The following DCLRE1A variants were observed in gnomAD, a reference collection of about 807,000 sequenced individuals.
The protein encoded by DCLRE1A is DNA cross-link repair 1A.
Under a neutral mutation model 91.9 loss-of-function variants are expected in DCLRE1A, and 64 were observed. The observed-to-expected ratio is 0.70, with a 90% confidence interval of 0.57 to 0.86. The LOEUF is 0.86. Among genes scored for constraint, DCLRE1A ranks in the 40% least tolerant of loss-of-function variants. DCLRE1A has a pLI of 0.00. For missense variants in DCLRE1A, 1,145 were observed against 1,213.3 expected, an observed-to-expected ratio of 0.94 and a Z score of 0.84; for synonymous variants, 416 against 431.1, an observed-to-expected ratio of 0.96 and a Z score of 0.43.
Position 113,853,230 on chromosome 10 carries a change from A to C in DCLRE1A, c.-48T>G. Reference sequence around the variant, plus strand: ...AGAAGTATTAATCTTAAGTAAACTGAAAGTCCATTTCTTGTCACAAACAAA... The same window carrying C: ...AGAAGTATTAATCTTAAGTAAACTGCAAGTCCATTTCTTGTCACAAACAAA... On this transcript the variant is annotated 5_prime_UTR_variant, in exon 1 of 9. Coordinates refer to ENST00000361384, the MANE Select transcript of DCLRE1A (RefSeq NM_014881.5). 1 of 1,439,678 alleles carries C rather than the reference A, an allele frequency of 6.9e-7. No individual in the cohort carries two copies. Among genetic ancestry groups the C allele is most frequent in the Non-Finnish European group, 9.2e-7 (1 of 1,089,308 alleles). The allele number at this position is 1,439,678 out of a possible 1,614,324, so 89.2% of individuals were successfully genotyped here. A position where few individuals can be genotyped will look rare whatever the true frequency, so the allele number is the denominator to read the frequency against.
At chr10:113,838,906 G>GT (rs746720144) in intron 7 of DCLRE1A, among the ~76,000 whole-genome samples, 5 of 152,008 alleles carry the variant, frequency 3.3e-5, no homozygotes, top group Non-Finnish European at 5.9e-5. Flanking sequence ...CTTGAAAACT[G>GT]TATTAGGATT....
rs758226034 is a variant in DCLRE1A at position 113,841,582 on chromosome 10, A to G, written c.2666-22T>C. The G allele has an allele frequency of 3.8e-6, 6 of 1,582,036 alleles. No homozygotes were observed. In the African/African-American group the frequency reaches 8.2e-5, roughly 22 times the overall value. On this transcript the variant is annotated intron_variant, in intron 6 of 8. Coordinates refer to ENST00000361384, the MANE Select transcript of DCLRE1A (RefSeq NM_014881.5). ...ATGGCTATGGGCAAAAGAAAAGATT[A>G]AAAATAGTAAACTTACAGCTTGTGA...
At position 113,837,279 on chromosome 10, in the gene DCLRE1A, ATAC is replaced by A. The variant is rs1420933556; in HGVS notation, c.2821-79_2821-77del. 5.8e-6 allele frequency: 8 copies of A among 1,385,002 alleles called. No individual in the cohort carries two copies. The Admixed American group carries it at 1.5e-4, about 25-fold the overall frequency. The allele number at this position is 1,385,002 out of a possible 1,614,324, so 85.8% of individuals were successfully genotyped here. On this transcript the variant is annotated intron_variant, in intron 7 of 8. Coordinates refer to ENST00000361384, the MANE Select transcript of DCLRE1A (RefSeq NM_014881.5). ...ATAAAACAGACTGATTAAAGATGTT[ATAC>A]TGGCACAGGCATGGGGAGTTTTCAT... is the stretch of plus-strand genomic sequence containing the variant.
In DCLRE1A at chr10:113,834,958, T is replaced by C. The variant is rs543103263; in HGVS notation, c.*194A>G. The C allele has an allele frequency of 9.8e-5, 53 of 542,434 alleles. No homozygotes were observed. The highest frequency in any genetic ancestry group is 9.6e-4 in the African/African-American group (49 of 51,296). The allele number at this position is 542,434 out of a possible 1,614,324, so 33.6% of individuals were successfully genotyped here. On this transcript the variant is annotated 3_prime_UTR_variant, in exon 9 of 9. Coordinates refer to ENST00000361384, the MANE Select transcript of DCLRE1A (RefSeq NM_014881.5). ...TTAAGGGTCCCAGGGAGACCCAGTT[T>C]CAGTTATCCTTGATGATGCTGAGAG... is the stretch of plus-strand genomic sequence containing the variant.
At chr10:113,835,365 T>C (rs1299351551) in intron 8 of DCLRE1A, 53 bp from the exon 9 acceptor site, 30 of 1,490,648 alleles carry the variant, frequency 2.0e-5, no homozygotes, top group Non-Finnish European at 2.4e-5. Context: ...AATTTAAACT[T>C]TCACAATCCT....
rs1564845509 is a variant in DCLRE1A, at chr10:113,849,966, CTAT to C, written c.1136_1138del (p.Asn379del). On this transcript the variant is annotated inframe_deletion, in exon 2 of 9. Coordinates refer to ENST00000361384, the MANE Select transcript of DCLRE1A (RefSeq NM_014881.5). ...AATAGGTTGAGACAAATCATTTAGA[CTAT>C]TGAATCTATACAATCCTTCATCATA... The C allele has an allele frequency of 1.2e-6, 2 of 1,614,124 alleles. No homozygotes were observed. Among genetic ancestry groups the C allele is most frequent in the Non-Finnish European group, 1.7e-6 (2 of 1,180,014 alleles).
chr10:113,850,233 T>C lies in DCLRE1A; in HGVS notation c.872A>G (p.Asn291Ser), dbSNP rs757952985. Residue 291 changes from asparagine to serine, a missense_variant, in exon 2 of 9, where the codon AAT (asparagine) becomes AGT (serine). By Grantham distance (46) the Asn-to-Ser change is conservative. Transcript: ENST00000361384. ...GGAGATTTCACAGTCACTGAAGTCATTTTCTGGCAATGGCAAATTTATGTG... is the reference window on the plus strand; with the variant it reads ...GGAGATTTCACAGTCACTGAAGTCACTTTCTGGCAATGGCAAATTTATGTG... ...SEHINLPLPENDFSDCEISYS... is the reference protein window; with the variant it reads ...SEHINLPLPESDFSDCEISYS... 1 of 1,614,160 alleles carries C rather than the reference T, an allele frequency of 6.2e-7. No homozygotes were observed. Among genetic ancestry groups the C allele is most frequent in the Non-Finnish European group, 8.5e-7 (1 of 1,180,004 alleles).
At chr10:113,841,221 T>C (rs936688622) in intron 7 of DCLRE1A, among the ~76,000 whole-genome samples, 185 bp downstream of exon 7, 4 of 152,222 alleles carry the variant, frequency 2.6e-5, no homozygotes, top group African/African-American at 9.6e-5. Flanking sequence ...GCATATGAAT[T>C]ACTCTACAGA....
chr10:113,849,477 T>C lies in DCLRE1A; in HGVS notation c.1628A>G (p.Lys543Arg), dbSNP rs376208580. The change falls in exon 2 of 9, where the codon AAG (lysine) becomes AGG (arginine). Residue 543 changes from lysine to arginine, a missense_variant. Coordinates refer to ENST00000361384, the MANE Select transcript of DCLRE1A (RefSeq NM_014881.5). ...KYLKILPSGL[K>R]YNARHPSTKV... ...GGTAGAAGGATGTCTTGCATTATAC[T>C]TAAGACCAGAAGGCAATATTTTCAA... 6.2e-7 allele frequency: 1 copy of C among 1,614,126 alleles called. No individual in the cohort carries two copies.
In DCLRE1A at chr10:113,852,820, G is replaced by A. The variant is rs1845678185; in HGVS notation, c.363C>T (p.Tyr121=). The change falls in exon 1 of 9, where the codon TAC becomes TAT. Residue 121 remains tyrosine (Y), a synonymous_variant. Transcript: ENST00000361384. ...SPKIRPVYDG[Y]CPNCQMPFSS... Reference sequence around the variant, plus strand: ...AAAAAGGCATCTGGCAATTTGGACAGTATCCATCATAAACTGGACGTATCT... The same window carrying A: ...AAAAAGGCATCTGGCAATTTGGACAATATCCATCATAAACTGGACGTATCT... 1.2e-6 allele frequency: 2 copies of A among 1,614,090 alleles called. No homozygotes were observed. Among genetic ancestry groups the A allele is most frequent in the South Asian group, 1.1e-5 (1 of 91,086 alleles).
rs769255055 is a variant in DCLRE1A, at chr10:113,841,501, G to A, written c.2725C>T (p.Gln909Ter). 13 of 1,613,274 alleles carry A rather than the reference G, an allele frequency of 8.1e-6. No homozygotes were observed. The Admixed American group carries it at 2.0e-4, about 25-fold the overall frequency. The change falls in exon 7 of 9, where the codon CAG becomes TAG. Residue 909 changes from glutamine to a stop codon, truncating the protein, a stop_gained. Coordinates refer to ENST00000361384, the MANE Select transcript of DCLRE1A (RefSeq NM_014881.5). LOFTEE classifies it high-confidence loss of function. ...TTAATTTCTGGTATATTGAGGCACTGTAGAGTTTTATATTTTTCCTGGGAC... is the reference window on the plus strand; with the variant it reads ...TTAATTTCTGGTATATTGAGGCACTATAGAGTTTTATATTTTTCCTGGGAC... Reference protein sequence around the residue: ...GMSQEKYKTLQCLNIPEINSL... With the variant: ...GMSQEKYKTL
intron 2 of DCLRE1A, among the ~76,000 whole-genome samples, chr10:113,848,084 C>G (rs980373555): frequency 2.6e-5 from 4 of 152,026 alleles, no homozygotes; most frequent in African/African-American, 9.7e-5. Context: ...GAGGCCGAGG[C>G]GGGCGGATCA....
chr10:113,843,993 T>A (rs894444309), intron 5 of DCLRE1A, 111 bp downstream of exon 5: 4 of 1,442,480 alleles, frequency 2.8e-6, no homozygotes, highest in Non-Finnish European at 2.8e-6. Context: ...ATCCCTCTGA[T>A]AAAGAGCCTT....
intron 8 of DCLRE1A, among the ~76,000 whole-genome samples, chr10:113,836,265 G>A (rs996527743): frequency 5.3e-5 from 8 of 152,040 alleles, no homozygotes; most frequent in Non-Finnish European, 1.0e-4. Context: ...ACCTTATTGC[G>A]TGTATACTTA....
Position 113,849,746 on chromosome 10 carries a change from G to A in DCLRE1A, c.1359C>T (p.Tyr453=), listed in dbSNP as rs530676849. 6 of 1,614,162 alleles carry A rather than the reference G, an allele frequency of 3.7e-6. No individual in the cohort carries two copies. In the East Asian group the frequency reaches 1.3e-4, roughly 36 times the overall value. Reference sequence around the variant, plus strand: ...TAACTAACGGAAGAGAAACTTGATTGTAAACAGATGATTCTTCAATTACCT... The same window carrying A: ...TAACTAACGGAAGAGAAACTTGATTATAAACAGATGATTCTTCAATTACCT... ...QKQVIEESSV[Y]NQVSLPLVKS... is the part of the protein sequence containing the mutation. Residue 453 remains tyrosine (Y), a synonymous_variant, in exon 2 of 9, where the codon TAC becomes TAT. Coordinates refer to ENST00000361384, the MANE Select transcript of DCLRE1A (RefSeq NM_014881.5).
Position 113,837,163 on chromosome 10 carries a change from T to C in DCLRE1A, c.2861A>G (p.Asn954Ser), listed in dbSNP as rs1160826442. The change falls in exon 8 of 9, where the codon AAT (asparagine) becomes AGT (serine). Residue 954 changes from asparagine to serine, a missense_variant. Asn to Ser is a conservative substitution (Grantham distance 46). Transcript: ENST00000361384. ...SHLKKCGGKY[N>S]QILAFRPTGW... ...TGTAGGTCGAAATGCCAAAATCTGATTGTATTTCCCACCACACTTCTTCAA... is the reference window on the plus strand; with the variant it reads ...TGTAGGTCGAAATGCCAAAATCTGACTGTATTTCCCACCACACTTCTTCAA... 1 of 1,613,402 alleles carries C rather than the reference T, an allele frequency of 6.2e-7. No homozygotes were observed. Among genetic ancestry groups the C allele is most frequent in the East Asian group, 2.2e-5 (1 of 44,810 alleles).
Position 113,841,504 on chromosome 10 carries a change from G to C in DCLRE1A, c.2722C>G (p.Leu908Val). Residue 908 changes from leucine (L) to valine (V), a missense_variant, in exon 7 of 9, where the codon CTA becomes GTA. By Grantham distance (32) the Leu-to-Val change is conservative. Transcript: ENST00000361384. Reference protein sequence around the residue: ...VGMSQEKYKTLQCLNIPEINS... With the variant: ...VGMSQEKYKTVQCLNIPEINS... ...ATTTCTGGTATATTGAGGCACTGTAGAGTTTTATATTTTTCCTGGGACATG... is the reference window on the plus strand; with the variant it reads ...ATTTCTGGTATATTGAGGCACTGTACAGTTTTATATTTTTCCTGGGACATG... The C allele has an allele frequency of 6.2e-7, 1 of 1,613,364 alleles. No individual in the cohort carries two copies. Among genetic ancestry groups the C allele is most frequent in the South Asian group, 1.1e-5 (1 of 90,968 alleles).
In DCLRE1A at chr10:113,849,503, A is replaced by C; in HGVS notation, c.1602T>G (p.Tyr534Ter). The C allele has an allele frequency of 5.6e-6, 9 of 1,613,996 alleles. No individual in the cohort carries two copies. Among genetic ancestry groups the C allele is most frequent in the Non-Finnish European group, 7.6e-6 (9 of 1,180,020 alleles). The change falls in exon 2 of 9, where the codon TAT becomes TAG. Residue 534 changes from tyrosine to a stop codon, truncating the protein, a stop_gained. Coordinates refer to ENST00000361384, the MANE Select transcript of DCLRE1A (RefSeq NM_014881.5). LOFTEE classifies it high-confidence loss of function. ...ENLSSTPAPKYLKILPSGLKY... is the reference protein window; with the variant it reads ...ENLSSTPAPK ...TAAGACCAGAAGGCAATATTTTCAAATACTTCGGAGCAGGTGTACTAGACA... is the reference window on the plus strand; with the variant it reads ...TAAGACCAGAAGGCAATATTTTCAACTACTTCGGAGCAGGTGTACTAGACA...
chr10:113,839,393 GA>G lies in DCLRE1A; in HGVS notation c.2820+2012del, dbSNP rs559611398. Among the ~76,000 whole-genome samples, 262 of 149,564 alleles carry G rather than the reference GA, an allele frequency of 1.8e-3. 2 individuals are homozygous for G. The highest frequency in any genetic ancestry group is 2.4e-3 in the Non-Finnish European group (162 of 67,426). Reference sequence around the variant, plus strand: ...TTTGGGTAAATGAGGGACAGGGGAGGAAAAAAAACTTTTCACAATATGCCAT... The same window carrying G: ...TTTGGGTAAATGAGGGACAGGGGAGGAAAAAAACTTTTCACAATATGCCAT... On this transcript the variant is annotated intron_variant, in intron 7 of 8. Coordinates refer to ENST00000361384, the MANE Select transcript of DCLRE1A (RefSeq NM_014881.5).
Sources: allele counts gnomAD v4.1 joint callset (sites outside exome capture counted in the v4.1 genomes callset), GRCh38; gene constraint gnomAD v4.1.1; transcripts MANE v1.5; gene names NCBI Gene and HGNC (gene_info 2026-07-23, HGNC 2026-07-21).